The following MTOR variants were observed in gnomAD, a reference collection of about 807,000 sequenced individuals.
MTOR encodes mechanistic target of rapamycin kinase, also known as serine/threonine-protein kinase mTOR.
In MTOR, 70 loss-of-function variants were observed where a neutral mutation model predicts 319.8. That is an observed-to-expected ratio of 0.22 (90% confidence interval 0.18 to 0.27). The LOEUF is 0.27. Among genes scored for constraint, MTOR ranks in the 10% least tolerant of loss-of-function variants. The pLI is 1.00. For missense variants in MTOR, 1,890 were observed against 3,274.4 expected, an observed-to-expected ratio of 0.58 and a Z score of 10.32; for synonymous variants, 1,183 against 1,211.4, an observed-to-expected ratio of 0.98 and a Z score of 0.49.
chr1:11,200,535 G>A (rs1571148905), intron 26 of MTOR, among the ~76,000 whole-genome samples: 1 of 152,106 alleles, frequency 6.6e-6, no homozygotes, highest in African/African-American at 2.4e-5. Context: ...ACTGTGCGGG[G>A]AAGGAAATGG....
At chr1:11,152,798 A>C (rs1644193346) in intron 30 of MTOR, among the ~76,000 whole-genome samples, 1 of 152,236 alleles carries the variant, frequency 6.6e-6, no homozygotes, top group Admixed American at 6.5e-5. Context: ...ATTGCACTCT[A>C]AACAGAATTG....
At chr1:11,142,723 G>A (rs1643773542) in intron 34 of MTOR, among the ~76,000 whole-genome samples, 1 of 152,160 alleles carries the variant, frequency 6.6e-6, no homozygotes, top group South Asian at 2.1e-4. Context: ...AAACTTAAAA[G>A]TCTAGCGACA....
At chr1:11,256,403 A>G in intron 4 of MTOR, 1 of 827,840 alleles carries the variant, frequency 1.2e-6, no homozygotes. Context: ...CAAACACAGA[A>G]TGCTTGTAAT....
rs961900185 is a variant in MTOR, at chr1:11,241,683, T to C, written c.1413-2A>G. ...TCCACCTGCATTGCCTTCTGCCTCC[T>C]GTAGAGAAATGGAGAGTGGCTAGTT... is the stretch of plus-strand genomic sequence containing the variant. On this transcript the variant is annotated splice_acceptor_variant, in intron 9 of 57. Transcript: ENST00000361445. LOFTEE classifies it high-confidence loss of function. 2 of 1,610,926 alleles carry C rather than the reference T, an allele frequency of 1.2e-6. No homozygotes were observed.
chr1:11,260,867 G>A (rs1651024372), intron 1 of MTOR, among the ~76,000 whole-genome samples: 1 of 149,040 alleles, frequency 6.7e-6, no homozygotes. Context: ...TCGGCTCACT[G>A]CAACATCCAC....
chr1:11,238,765 TC>T, intron 11 of MTOR, 148 bp from the exon 12 acceptor site: 7 of 595,852 alleles, frequency 1.2e-5, no homozygotes, highest in East Asian at 6.3e-5. Context: ...CCGGAACTCT[TC>T]TTTTTTTTTT....
At chr1:11,155,487 T>G (rs999145863) in intron 30 of MTOR, among the ~76,000 whole-genome samples, 1 of 152,174 alleles carries the variant, frequency 6.6e-6, no homozygotes, top group South Asian at 2.1e-4. Context: ...GAAAAATATT[T>G]TGACCTTCCC....
intron 28 of MTOR, among the ~76,000 whole-genome samples, chr1:11,177,521 G>A (rs1645028348): frequency 6.6e-6 from 1 of 152,156 alleles, no homozygotes; most frequent in East Asian, 1.9e-4. Context: ...TCGCACCACT[G>A]CACTCCAGAC....
intron 8 of MTOR, among the ~76,000 whole-genome samples, chr1:11,245,579 C>T (rs964199746): frequency 3.3e-5 from 5 of 152,088 alleles, no homozygotes; most frequent in Non-Finnish European, 5.9e-5. Context: ...GATAGCATTT[C>T]GGCAGGAAAC....
At chr1:11,216,378 C>T in intron 19 of MTOR, 144 bp from the exon 20 acceptor site, 1 of 573,384 alleles carries the variant, frequency 1.7e-6, no homozygotes. Context: ...TTTCAAAGAC[C>T]CAAGCTTGGC....
chr1:11,229,696 G>A (rs1646956407), intron 18 of MTOR, among the ~76,000 whole-genome samples: 1 of 152,184 alleles, frequency 6.6e-6, no homozygotes, highest in Non-Finnish European at 1.5e-5. Flanking sequence ...GAGAATCAAT[G>A]TTAACTTTCA....
chr1:11,259,421 G>A lies in MTOR; in HGVS notation c.-12C>T. Reference sequence around the variant, plus strand: ...CCGGTTCCAAGCATCTTGCCCTGAGGTTCTTTAGAGAGAAGTTTCCTTTAA... The same window carrying A: ...CCGGTTCCAAGCATCTTGCCCTGAGATTCTTTAGAGAGAAGTTTCCTTTAA... On this transcript the variant is annotated splice_region_variant and 5_prime_UTR_variant, in exon 2 of 58. Transcript: ENST00000361445. 6.5e-7 allele frequency: 1 copy of A among 1,532,344 alleles called. No individual in the cohort carries two copies. The highest frequency in any genetic ancestry group is 2.4e-5 in the East Asian group (1 of 42,126). 94.9% of individuals were successfully genotyped at this position (1,532,344 alleles called of 1,614,324 possible).
intron 11 of MTOR, 127 bp downstream of exon 11, chr1:11,240,176 T>C: frequency 7.7e-7 from 1 of 1,291,806 alleles, no homozygotes; most frequent in Middle Eastern, 2.8e-4. Context: ...AAGGATGAGC[T>C]GCTACAGAAT....
chr1:11,124,399 T>C (rs1642709576), intron 47 of MTOR, 99 bp downstream of exon 47: 2 of 1,450,972 alleles, frequency 1.4e-6, no homozygotes, highest in African/African-American at 1.4e-5. Flanking sequence ...CCTAATTTTA[T>C]AGTTTTTTGT....
intron 28 of MTOR, among the ~76,000 whole-genome samples, chr1:11,175,214 T>A (rs1204249793): frequency 6.6e-6 from 1 of 152,142 alleles, no homozygotes; most frequent in Non-Finnish European, 1.5e-5. Flanking sequence ...CCTATCCGCA[T>A]AATAGAATCC....
intron 31 of MTOR, among the ~76,000 whole-genome samples, chr1:11,148,910 T>C (rs1040984505): frequency 8.9e-6 from 1 of 111,876 alleles, no homozygotes; most frequent in Non-Finnish European, 2.0e-5. Context: ...AAAAAAAAAA[T>C]TATGTGTGTG....
intron 19 of MTOR, among the ~76,000 whole-genome samples, chr1:11,219,501 T>A (rs767621462): frequency 1.1e-4 from 16 of 152,132 alleles, no homozygotes; most frequent in Non-Finnish European, 1.9e-4. Flanking sequence ...CAGAAGTAAA[T>A]GCACATCCTC....
intron 36 of MTOR, 119 bp downstream of exon 36, chr1:11,139,185 A>G: frequency 7.4e-7 from 1 of 1,357,166 alleles, no homozygotes; most frequent in Non-Finnish European, 1.0e-6. Flanking sequence ...AGACTCCCTG[A>G]CATTGTGAGT....
intron 25 of MTOR, among the ~76,000 whole-genome samples, chr1:11,207,977 A>C (rs1646193229): frequency 6.6e-6 from 1 of 152,122 alleles, no homozygotes; most frequent in Non-Finnish European, 1.5e-5. Flanking sequence ...CCTGGAAGCA[A>C]ACTAGATTAC....
Sources: gnomAD v4.1 joint callset for allele counts (sites outside exome capture counted in the v4.1 genomes callset) on GRCh38, gnomAD v4.1.1 for gene constraint, MANE v1.5 for transcripts, NCBI Gene and HGNC (gene_info 2026-07-23, HGNC 2026-07-21) for gene names.